SBF2: variants seen among roughly 807,000 people sequenced by gnomAD.
SBF2 encodes myotubularin-related protein 13.
In SBF2, 112 loss-of-function variants were observed where a neutral mutation model predicts 225.2. The ratio of observed to expected loss-of-function variants is 0.50; its 90% CI spans 0.43 to 0.58. The LOEUF (loss-of-function observed/expected upper bound fraction) is 0.58, where lower values mean the gene tolerates loss of function less well. Among genes scored for constraint, SBF2 ranks in the 20% least tolerant of loss-of-function variants. SBF2 has a pLI of 0.00. For missense variants in SBF2, 1,996 were observed against 2,206.2 expected (o/e 0.90, Z 1.91); for synonymous variants, 763 against 773.3 (o/e 0.99, Z 0.22).
At chr11:9,943,325 G>T (rs1050758901) in intron 16 of SBF2, among the ~76,000 whole-genome samples, 1 of 152,086 alleles carries the variant, frequency 6.6e-6, no homozygotes, top group African/African-American at 2.4e-5. Flanking sequence ...GATAGTGAAG[G>T]ATTTCTTACA....
intron 16 of SBF2, among the ~76,000 whole-genome samples, chr11:9,948,961 T>G (rs1865708968): frequency 6.6e-6 from 1 of 152,158 alleles, no homozygotes; most frequent in Non-Finnish European, 1.5e-5. Flanking sequence ...ACTACCTCAT[T>G]TAAACTCAAT....
At chr11:10,134,087 G>A (rs1954232403) in intron 2 of SBF2, among the ~76,000 whole-genome samples, 1 of 152,184 alleles carries the variant, frequency 6.6e-6, no homozygotes, top group South Asian at 2.1e-4. Context: ...AGTTCCATGT[G>A]GCTGGGGAGG....
At chr11:9,952,247 CACAAACAA>C (rs57243169) in intron 16 of SBF2, among the ~76,000 whole-genome samples, 20,467 of 149,436 alleles carry the variant, frequency 0.14, 1,556 homozygotes, top group East Asian at 0.24. Flanking sequence ...AAAATAAATA[CACAAACAA>C]ACAAACAAAC....
chr11:10,223,175 C>T (rs1019036147), intron 1 of SBF2, among the ~76,000 whole-genome samples: 71 of 151,662 alleles, frequency 4.7e-4, no homozygotes, highest in African/African-American at 1.7e-3. Flanking sequence ...GAAGTACCAA[C>T]ATCAATTATG....
At chr11:9,998,067 G>C (rs1370475288) in intron 9 of SBF2, among the ~76,000 whole-genome samples, 199 bp downstream of exon 9, 1 of 152,146 alleles carries the variant, frequency 6.6e-6, no homozygotes, top group African/African-American at 2.4e-5. Context: ...TATTCAGTTA[G>C]GATCCAAAAT....
chr11:10,031,151 A>G lies in SBF2; in HGVS notation c.299T>C (p.Ile100Thr), dbSNP rs374069325. Residue 100 changes from isoleucine (I) to threonine (T), a missense_variant, in exon 4 of 40, where the codon ATT (isoleucine) becomes ACT (threonine). Ile to Thr is a moderately conservative substitution (Grantham distance 89). Coordinates refer to ENST00000256190, the MANE Select transcript of SBF2 (RefSeq NM_030962.4). ...ACCAGACACTTTTGCTTCACCTTCA[A>G]TCTCTTCCTTCTTTGTTCCCTAGAA... Reference protein sequence around the residue: ...INLQGTKKEEIEGEAKVSGLI... With the variant: ...INLQGTKKEETEGEAKVSGLI... The G allele has an allele frequency of 5.6e-6, 9 of 1,613,414 alleles. No individual in the cohort carries two copies. Among genetic ancestry groups the G allele is most frequent in the African/African-American group, 2.7e-5 (2 of 74,910 alleles).
chr11:9,939,094 T>A (rs1049771938), intron 16 of SBF2, among the ~76,000 whole-genome samples: 6 of 152,076 alleles, frequency 3.9e-5, no homozygotes, highest in Non-Finnish European at 8.8e-5. Flanking sequence ...TATTTTATTT[T>A]ATTTATTTTA....
chr11:10,134,140 C>T (rs373464983), intron 2 of SBF2, among the ~76,000 whole-genome samples: 12 of 152,070 alleles, frequency 7.9e-5, no homozygotes, highest in Non-Finnish European at 1.3e-4. Context: ...TCTCACATGG[C>T]GGCAGACAAG....
At chr11:10,148,617 T>A (rs752342253) in intron 2 of SBF2, among the ~76,000 whole-genome samples, 2 of 152,106 alleles carry the variant, frequency 1.3e-5, no homozygotes, top group South Asian at 2.1e-4. Context: ...CATAATCTTC[T>A]TCATCAGATG....
intron 1 of SBF2, among the ~76,000 whole-genome samples, chr11:10,226,607 G>A (rs992321124): frequency 1.4e-4 from 21 of 151,730 alleles, no homozygotes; most frequent in Admixed American, 2.6e-4. Context: ...GTGATAGTTT[G>A]CTGAGAATGA....
At chr11:9,847,785 C>T (rs1233759405) in intron 22 of SBF2, among the ~76,000 whole-genome samples, 1 of 152,148 alleles carries the variant, frequency 6.6e-6, no homozygotes, top group Non-Finnish European at 1.5e-5. Context: ...GTAGCACACT[C>T]AAGACCTCCC....
At chr11:9,926,467 T>C (rs1864063200) in intron 16 of SBF2, among the ~76,000 whole-genome samples, 1 of 152,164 alleles carries the variant, frequency 6.6e-6, no homozygotes, top group Non-Finnish European at 1.5e-5. Flanking sequence ...ACACATTCTT[T>C]TCAAGTGCAT....
chr11:10,056,275 A>G (rs1795235746), intron 2 of SBF2, among the ~76,000 whole-genome samples: 1 of 152,136 alleles, frequency 6.6e-6, no homozygotes, highest in Non-Finnish European at 1.5e-5. Flanking sequence ...TAGTCCTGTG[A>G]AGAATGTCGT....
chr11:10,227,085 G>T (rs1377825726), intron 1 of SBF2, among the ~76,000 whole-genome samples: 1 of 152,120 alleles, frequency 6.6e-6, no homozygotes, highest in African/African-American at 2.4e-5. Flanking sequence ...GTGATGATGA[G>T]CATTTTTTCA....
chr11:9,901,860 G>T (rs1053009442), intron 16 of SBF2, among the ~76,000 whole-genome samples: 1 of 152,120 alleles, frequency 6.6e-6, no homozygotes, highest in African/African-American at 2.4e-5. Flanking sequence ...GGCCAGGATG[G>T]AATCAAACTC....
intron 2 of SBF2, among the ~76,000 whole-genome samples, chr11:10,075,538 C>A (rs1231061874): frequency 6.6e-6 from 1 of 152,108 alleles, no homozygotes; most frequent in Non-Finnish European, 1.5e-5. Context: ...AGATTTCCCC[C>A]TTGCTGTTCT....
chr11:10,179,347 TAATA>T (rs1002805387), intron 2 of SBF2, among the ~76,000 whole-genome samples: 1 of 146,990 alleles, frequency 6.8e-6, no homozygotes, highest in African/African-American at 2.5e-5. Flanking sequence ...AGTATAATAA[TAATA>T]AATTAAAAAA....
At chr11:10,111,300 ACTT>A (rs1952827584) in intron 2 of SBF2, among the ~76,000 whole-genome samples, 1 of 152,224 alleles carries the variant, frequency 6.6e-6, no homozygotes. Context: ...ATAAATAATT[ACTT>A]TTTAATTTAT....
At chr11:10,222,784 T>G (rs1458484894) in intron 1 of SBF2, among the ~76,000 whole-genome samples, 1 of 152,168 alleles carries the variant, frequency 6.6e-6, no homozygotes, top group Non-Finnish European at 1.5e-5. Context: ...AAATTTCTTT[T>G]GTGAAAAAAT....
Sources: gnomAD v4.1 joint callset for allele counts (sites outside exome capture counted in the v4.1 genomes callset) on GRCh38, gnomAD v4.1.1 for gene constraint, MANE v1.5 for transcripts, NCBI Gene and HGNC (gene_info 2026-07-23, HGNC 2026-07-21) for gene names.